PREX2: variants seen among roughly 807,000 people sequenced by gnomAD.
The protein encoded by PREX2 is phosphatidylinositol-3,4,5-trisphosphate dependent Rac exchange factor 2.
Under a neutral mutation model 203.2 loss-of-function variants are expected in PREX2, and 107 were observed. The ratio of observed to expected loss-of-function variants is 0.53; its 90% CI spans 0.45 to 0.62. The LOEUF (loss-of-function observed/expected upper bound fraction) is 0.62, where lower values mean the gene tolerates loss of function less well. Among genes scored for constraint, PREX2 ranks in the 20% least tolerant of loss-of-function variants. The pLI, the probability that PREX2 is intolerant of heterozygous loss-of-function variation, is 0.00. For missense variants in PREX2, 1,777 were observed against 1,955.9 expected, an observed-to-expected ratio of 0.91 and a Z score of 1.72; for synonymous variants, 672 against 663.6, an observed-to-expected ratio of 1.01 and a Z score of -0.19.
intron 25 of PREX2, among the ~76,000 whole-genome samples, chr8:68,110,349 C>T (rs2129612857): frequency 6.6e-6 from 1 of 152,278 alleles, no homozygotes; most frequent in South Asian, 2.1e-4. Context: ...TGAGGTAGCT[C>T]AGTTTCTCAT....
chr8:68,215,198 G>C (rs1812810316), intron 37 of PREX2, among the ~76,000 whole-genome samples: 1 of 152,182 alleles, frequency 6.6e-6, no homozygotes, highest in Non-Finnish European at 1.5e-5. Context: ...TAGGGAGAAA[G>C]AGATCAGTTT....
At chr8:67,964,060 A>G (rs1423950251) in intron 1 of PREX2, among the ~76,000 whole-genome samples, 1 of 152,138 alleles carries the variant, frequency 6.6e-6, no homozygotes, top group African/African-American at 2.4e-5. Flanking sequence ...GGTGTTTCCA[A>G]TGGGTTAGAG....
intron 1 of PREX2, among the ~76,000 whole-genome samples, chr8:67,973,852 A>G (rs1242136793): frequency 1.3e-5 from 2 of 152,214 alleles, no homozygotes; most frequent in African/African-American, 2.4e-5. Context: ...GGATACCAAG[A>G]GTTAAATGTA....
intron 35 of PREX2, among the ~76,000 whole-genome samples, chr8:68,172,065 G>A (rs1217661966): frequency 6.6e-6 from 1 of 151,798 alleles, no homozygotes. Flanking sequence ...CTTTCTTTAG[G>A]ACTAGCTGTA....
At chr8:67,990,724 G>C (rs1247670560) in intron 1 of PREX2, among the ~76,000 whole-genome samples, 1 of 151,936 alleles carries the variant, frequency 6.6e-6, no homozygotes, top group East Asian at 1.9e-4. Flanking sequence ...AATTAGCCAG[G>C]CTGGTCTCAA....
chr8:68,143,608 G>A (rs1387038717), intron 33 of PREX2, among the ~76,000 whole-genome samples: 1 of 152,136 alleles, frequency 6.6e-6, no homozygotes, highest in Non-Finnish European at 1.5e-5. Context: ...TTTATCAGAT[G>A]TGTCTTTTGC....
intron 27 of PREX2, 88 bp downstream of exon 27, chr8:68,118,732 A>C: frequency 1.0e-6 from 1 of 970,176 alleles, no homozygotes; most frequent in Non-Finnish European, 1.7e-6. Flanking sequence ...GATCCATATG[A>C]ATTTTTATTT....
In PREX2 at chr8:68,110,084, AT is replaced by A. The variant is rs567568183; in HGVS notation, c.3146+470del. ...GCAAAATTATGTATCTCTAGGACGA[AT>A]TTTTTTTTCTGTTCTGATTGAATTG... On this transcript the variant is annotated intron_variant, in intron 25 of 39. Coordinates refer to ENST00000288368, the MANE Select transcript of PREX2 (RefSeq NM_024870.4). 4.5e-3 allele frequency among the ~76,000 whole-genome samples: 686 copies of A among 151,904 alleles called. 6 individuals carry two copies. The highest frequency in any genetic ancestry group is 0.016 in the African/African-American group (660 of 41,416).
chr8:67,992,740 G>T (rs7001095), intron 1 of PREX2, among the ~76,000 whole-genome samples: 22,460 of 152,136 alleles, frequency 0.15, 2,323 homozygotes, highest in African/African-American at 0.3. Context: ...AATTTCTATA[G>T]CCTCTGTAGC....
chr8:68,161,578 A>G (rs931554671), intron 35 of PREX2, among the ~76,000 whole-genome samples: 1 of 152,154 alleles, frequency 6.6e-6, no homozygotes, highest in African/African-American at 2.4e-5. Flanking sequence ...CACAAGATCC[A>G]TCTTCCGCAA....
intron 4 of PREX2, among the ~76,000 whole-genome samples, 185 bp from the exon 5 acceptor site, chr8:68,027,037 C>T (rs1238266610): frequency 6.6e-6 from 1 of 152,060 alleles, no homozygotes; most frequent in Non-Finnish European, 1.5e-5. Flanking sequence ...ATTCAAAACA[C>T]AGTTCTGTAA....
chr8:68,210,100 A>G (rs1376345537), intron 37 of PREX2, among the ~76,000 whole-genome samples: 2 of 152,156 alleles, frequency 1.3e-5, no homozygotes, highest in Non-Finnish European at 2.9e-5. Flanking sequence ...TTTTTCTTTC[A>G]GGGATAATTT....
At chr8:68,020,019 C>T (rs1807521765) in intron 3 of PREX2, among the ~76,000 whole-genome samples, 1 of 152,164 alleles carries the variant, frequency 6.6e-6, no homozygotes, top group African/African-American at 2.4e-5. Flanking sequence ...AGAAAATCCT[C>T]ATTCCTATAA....
At chr8:67,960,479 T>C (rs1805604960) in intron 1 of PREX2, among the ~76,000 whole-genome samples, 1 of 152,140 alleles carries the variant, frequency 6.6e-6, no homozygotes, top group Middle Eastern at 3.2e-3. Flanking sequence ...CACCCTGTCT[T>C]TTCCAAGCCT....
chr8:68,128,758 C>T (rs895213883), intron 31 of PREX2, among the ~76,000 whole-genome samples: 1 of 152,160 alleles, frequency 6.6e-6, no homozygotes, highest in African/African-American at 2.4e-5. Context: ...GGGGTAGAGA[C>T]ATAGATTCTA....
chr8:68,183,240 A>G (rs1271659979), intron 35 of PREX2, among the ~76,000 whole-genome samples: 1 of 152,164 alleles, frequency 6.6e-6, no homozygotes, highest in Non-Finnish European at 1.5e-5. Flanking sequence ...GACATGGTGG[A>G]AAAAGATCCA....
At chr8:68,047,166 T>A (rs1808376723) in intron 8 of PREX2, among the ~76,000 whole-genome samples, 1 of 151,944 alleles carries the variant, frequency 6.6e-6, no homozygotes, top group Non-Finnish European at 1.5e-5. Flanking sequence ...CCAGAAATGA[T>A]CTGGGTGCTG....
At chr8:68,133,402 CAT>C (rs981396296) in intron 31 of PREX2, among the ~76,000 whole-genome samples, 1 of 152,114 alleles carries the variant, frequency 6.6e-6, no homozygotes, top group Non-Finnish European at 1.5e-5. Context: ...TCCTGGTAAA[CAT>C]ATACAAATCA....
chr8:67,963,420 A>G lies in PREX2; in HGVS notation c.141+10885A>G, dbSNP rs139737357. Among the ~76,000 whole-genome samples, 987 of 152,308 alleles carry G rather than the reference A, an allele frequency of 6.5e-3. 8 individuals are homozygous for G. The highest frequency in any genetic ancestry group is 0.014 in the Middle Eastern group (4 of 294). On this transcript the variant is annotated intron_variant, in intron 1 of 39. Coordinates refer to ENST00000288368, the MANE Select transcript of PREX2 (RefSeq NM_024870.4). ...CAAAAATGGGCCTATAAGAGAAATC[A>G]ATATTTATTTAACTCTGTCCTAAAA...
Sources: gnomAD v4.1 joint callset for allele counts (sites outside exome capture counted in the v4.1 genomes callset) on GRCh38, gnomAD v4.1.1 for gene constraint, MANE v1.5 for transcripts, NCBI Gene and HGNC (gene_info 2026-07-23, HGNC 2026-07-21) for gene names.